The following FBN1 variants were observed in gnomAD, a reference collection of about 807,000 sequenced individuals.
FBN1 encodes fibrillin 1.
A neutral mutation model predicts 365.1 loss-of-function variants in FBN1; 29 were observed. The ratio of observed to expected loss-of-function variants is 0.08; its 90% confidence interval spans 0.06 to 0.11. The LOEUF (loss-of-function observed/expected upper bound fraction) is 0.11, where lower values mean the gene tolerates loss of function less well. FBN1 is among the 10% of genes least tolerant of loss of function. The pLI is 1.00. For missense variants in FBN1, 2,476 were observed against 3,703.2 expected (o/e 0.67, Z 8.60); for synonymous variants, 1,210 against 1,270.5 (o/e 0.95, Z 1.01).
intron 58 of FBN1, 70 bp downstream of exon 58, chr15:48,427,497 C>A: frequency 6.7e-7 from 1 of 1,495,686 alleles, no homozygotes; most frequent in Non-Finnish European, 9.3e-7. Context: ...TCCATATTTT[C>A]ATCTGTGTTT....
chr15:48,504,509 T>C (rs1345140326), intron 16 of FBN1, among the ~76,000 whole-genome samples: 1 of 152,226 alleles, frequency 6.6e-6, no homozygotes, highest in Non-Finnish European at 1.5e-5. Context: ...CCCTATCCTT[T>C]TCCAATTCAA....
intron 6 of FBN1, among the ~76,000 whole-genome samples, chr15:48,542,839 TC>T (rs2044068807): frequency 2.8e-5 from 4 of 142,060 alleles, no homozygotes; most frequent in Middle Eastern, 3.2e-3. Context: ...GTATTTTTTT[TC>T]CTTCTTTCTC....
intron 4 of FBN1, among the ~76,000 whole-genome samples, chr15:48,608,457 C>G (rs538064195): frequency 2.6e-5 from 4 of 152,276 alleles, no homozygotes; most frequent in Admixed American, 6.5e-5. Flanking sequence ...CAGCTGTTCC[C>G]TAGAACATCA....
intron 60 of FBN1, among the ~76,000 whole-genome samples, chr15:48,423,679 C>T (rs2042959134): frequency 6.6e-6 from 1 of 152,186 alleles, no homozygotes; most frequent in Non-Finnish European, 1.5e-5. Flanking sequence ...CTCTAATCTG[C>T]ATTCTACCCA....
intron 6 of FBN1, among the ~76,000 whole-genome samples, chr15:48,556,238 T>C (rs988453069): frequency 8.5e-5 from 13 of 152,170 alleles, no homozygotes; most frequent in African/African-American, 2.7e-4. Flanking sequence ...GGTAAAGTTT[T>C]GGAAGAGCCT....
intron 43 of FBN1, among the ~76,000 whole-genome samples, chr15:48,459,278 G>C (rs1041656065): frequency 3.3e-5 from 5 of 152,160 alleles, no homozygotes; most frequent in African/African-American, 1.2e-4. Flanking sequence ...TTTTGGGAAG[G>C]GGAAAAACAA....
intron 10 of FBN1, among the ~76,000 whole-genome samples, chr15:48,518,621 A>AT (rs1434762453): frequency 2.0e-5 from 3 of 152,272 alleles, no homozygotes; most frequent in Admixed American, 1.3e-4. Flanking sequence ...ATTTCTTCCT[A>AT]TTTTTTACAG....
At chr15:48,500,223 A>G (rs1002893032) in intron 17 of FBN1, among the ~76,000 whole-genome samples, 4 of 152,346 alleles carry the variant, frequency 2.6e-5, no homozygotes, top group African/African-American at 9.6e-5. Context: ...ACTGTAAGTA[A>G]TAAAACAAGA....
At chr15:48,593,691 A>C (rs1286404020) in intron 6 of FBN1, among the ~76,000 whole-genome samples, 2 of 152,198 alleles carry the variant, frequency 1.3e-5, no homozygotes, top group Non-Finnish European at 2.9e-5. Context: ...TGTACTGTGC[A>C]TCACACAGTA....
At chr15:48,432,374 T>G (rs531945409) in intron 55 of FBN1, among the ~76,000 whole-genome samples, 1 of 152,190 alleles carries the variant, frequency 6.6e-6, no homozygotes, top group African/African-American at 2.4e-5. Flanking sequence ...GCTTAGGAAA[T>G]TGCAGGTGTT....
At chr15:48,562,614 A>G (rs562306954) in intron 6 of FBN1, among the ~76,000 whole-genome samples, 45 of 152,304 alleles carry the variant, frequency 3.0e-4, no homozygotes, top group African/African-American at 1.1e-3. Context: ...ATTTTCAAGG[A>G]CAAAGATTGC....
At chr15:48,571,105 GA>G (rs2044302753) in intron 6 of FBN1, among the ~76,000 whole-genome samples, 1 of 152,184 alleles carries the variant, frequency 6.6e-6, no homozygotes, top group African/African-American at 2.4e-5. Flanking sequence ...GATTCCCACT[GA>G]GCCACAGGTC....
chr15:48,624,384 A>G (rs1159745767), intron 2 of FBN1, among the ~76,000 whole-genome samples: 1 of 152,210 alleles, frequency 6.6e-6, no homozygotes, highest in African/African-American at 2.4e-5. Flanking sequence ...TTGCTGTCCT[A>G]GTGTGTACTG....
chr15:48,426,409 T>C (rs2042979850), intron 58 of FBN1, among the ~76,000 whole-genome samples: 1 of 152,202 alleles, frequency 6.6e-6, no homozygotes, highest in Non-Finnish European at 1.5e-5. Context: ...ACTTCTGTCC[T>C]CTGGTGAGGG....
intron 6 of FBN1, among the ~76,000 whole-genome samples, chr15:48,584,494 T>A (rs1354790723): frequency 6.6e-6 from 1 of 152,246 alleles, no homozygotes; most frequent in Non-Finnish European, 1.5e-5. Context: ...AATTTCACTA[T>A]CATTTTGTCT....
At chr15:48,612,390 A>C (rs756196715) in intron 3 of FBN1, among the ~76,000 whole-genome samples, 4 of 152,210 alleles carry the variant, frequency 2.6e-5, no homozygotes, top group Non-Finnish European at 4.4e-5. Context: ...CATGAAGGGC[A>C]GGCATCATGA....
intron 6 of FBN1, among the ~76,000 whole-genome samples, chr15:48,564,289 T>C (rs536232950): frequency 1.3e-5 from 2 of 152,182 alleles, no homozygotes; most frequent in Non-Finnish European, 2.9e-5. Context: ...CTTTTTATTG[T>C]ATAGGATTAT....
intron 8 of FBN1, among the ~76,000 whole-genome samples, chr15:48,526,471 G>C (rs867775652): frequency 3.9e-5 from 6 of 152,114 alleles, no homozygotes; most frequent in African/African-American, 1.2e-4. Context: ...CAACAGATTA[G>C]GGCAAAATGA....
chr15:48,491,923 G>T (rs950148313), intron 24 of FBN1, among the ~76,000 whole-genome samples: 1 of 152,182 alleles, frequency 6.6e-6, no homozygotes, highest in African/African-American at 2.4e-5. Flanking sequence ...TAGGGTTGGG[G>T]TGAGACAATT....
Sources: gnomAD v4.1 joint callset for allele counts (sites outside exome capture counted in the v4.1 genomes callset) on GRCh38, gnomAD v4.1.1 for gene constraint, MANE v1.5 for transcripts, NCBI Gene and HGNC (gene_info 2026-07-23, HGNC 2026-07-21) for gene names.